Variants in PPM1B observed in about 807,000 individuals in gnomAD.
The protein encoded by PPM1B is protein phosphatase, Mg2+/Mn2+ dependent 1B.
Under a neutral mutation model 43.0 loss-of-function variants are expected in PPM1B, and 22 were observed. The ratio of observed to expected loss-of-function variants is 0.51; its 90% CI spans 0.37 to 0.73. The LOEUF is 0.73. PPM1B is among the 30% of genes least tolerant of loss of function. PPM1B has a pLI of 0.00. For synonymous variants in PPM1B, 217 were observed against 197.9 expected (o/e 1.10, Z -0.81); for missense variants, 632 against 584.2 (o/e 1.08, Z -0.84).
chr2:44,185,255 A>C (rs1668065263), intron 1 of PPM1B, among the ~76,000 whole-genome samples: 1 of 152,176 alleles, frequency 6.6e-6, no homozygotes, highest in Non-Finnish European at 1.5e-5. Context: ...AAAGCATGAC[A>C]AGTGACGTTA....
At chr2:44,177,915 C>CTTTT (rs746113686) in intron 1 of PPM1B, among the ~76,000 whole-genome samples, 4 of 106,256 alleles carry the variant, frequency 3.8e-5, no homozygotes, top group African/African-American at 6.8e-5. Context: ...TAGAACAGTT[C>CTTTT]TTTTTTTTTT....
chr2:44,219,963 C>G (rs1669897046), intron 5 of PPM1B, among the ~76,000 whole-genome samples: 1 of 151,240 alleles, frequency 6.6e-6, no homozygotes, highest in African/African-American at 2.4e-5. Context: ...AAAAAATTGA[C>G]CCAAAGCTGA....
chr2:44,170,735 T>C (rs1667296511), intron 1 of PPM1B, among the ~76,000 whole-genome samples: 1 of 152,252 alleles, frequency 6.6e-6, no homozygotes, highest in East Asian at 1.9e-4. Flanking sequence ...ATTCTAATTA[T>C]TATGATAGTC....
chr2:44,229,700 T>G (rs559274793), intron 5 of PPM1B, among the ~76,000 whole-genome samples: 2 of 152,328 alleles, frequency 1.3e-5, no homozygotes, highest in Admixed American at 1.3e-4. Flanking sequence ...ATATCTTTAT[T>G]TTAGTCTGTC....
At chr2:44,176,487 C>T (rs1018741578) in intron 1 of PPM1B, among the ~76,000 whole-genome samples, 1 of 152,158 alleles carries the variant, frequency 6.6e-6, no homozygotes, top group African/African-American at 2.4e-5. Context: ...ATATTTATCA[C>T]TGCTTCTCCT....
At chr2:44,182,293 C>T (rs1473579262) in intron 1 of PPM1B, among the ~76,000 whole-genome samples, 4 of 151,920 alleles carry the variant, frequency 2.6e-5, no homozygotes, top group Admixed American at 6.6e-5. Context: ...GAGTTTTGCT[C>T]TTGTTGCCCA....
chr2:44,178,636 T>G (rs927665351), intron 1 of PPM1B, among the ~76,000 whole-genome samples: 7 of 151,670 alleles, frequency 4.6e-5, no homozygotes, highest in Non-Finnish European at 7.4e-5. Context: ...ACCCAGCTAA[T>G]TTTTTTGTAT....
At chr2:44,232,759 T>C, downstream of PPM1B, 1 of 989,268 alleles carries the variant, frequency 1.0e-6, no homozygotes, top group South Asian at 4.7e-5. Context: ...GTATGATATG[T>C]TCCTTTTTTC....
intron 2 of PPM1B, among the ~76,000 whole-genome samples, chr2:44,203,576 C>G (rs1469470475): frequency 2.0e-5 from 3 of 152,124 alleles, no homozygotes; most frequent in Non-Finnish European, 4.4e-5. Context: ...CAGCTACTTT[C>G]ATTGTTGTGG....
chr2:44,216,928 A>T (rs963671119), intron 3 of PPM1B, among the ~76,000 whole-genome samples: 1 of 150,880 alleles, frequency 6.6e-6, no homozygotes, highest in Non-Finnish European at 1.5e-5. Context: ...GACATTCACC[A>T]TACAGAGGGG....
At chr2:44,186,338 A>G (rs1294762141) in intron 1 of PPM1B, among the ~76,000 whole-genome samples, 2 of 152,228 alleles carry the variant, frequency 1.3e-5, no homozygotes, top group Non-Finnish European at 2.9e-5. Flanking sequence ...TTTTGAAGAT[A>G]GAAGCACATT....
At chr2:44,186,909 A>AC (rs1481751555) in intron 1 of PPM1B, among the ~76,000 whole-genome samples, 2 of 152,252 alleles carry the variant, frequency 1.3e-5, no homozygotes, top group African/African-American at 4.8e-5. Context: ...ATACAACATA[A>AC]CCATCTTAAC....
chr2:44,203,498 T>TG (rs1669033543), intron 2 of PPM1B, among the ~76,000 whole-genome samples: 3 of 152,140 alleles, frequency 2.0e-5, no homozygotes, highest in Admixed American at 6.5e-5. Flanking sequence ...TACTTACTAT[T>TG]GGAAAAAAAA....
At chr2:44,173,273 TG>T (rs754810148) in intron 1 of PPM1B, among the ~76,000 whole-genome samples, 2 of 152,368 alleles carry the variant, frequency 1.3e-5, no homozygotes, top group Non-Finnish European at 2.9e-5. Flanking sequence ...TTTCCAAAAG[TG>T]TAATCTATAT....
intron 3 of PPM1B, among the ~76,000 whole-genome samples, chr2:44,213,253 G>T (rs778469224): frequency 6.7e-6 from 1 of 150,012 alleles, no homozygotes; most frequent in Non-Finnish European, 1.5e-5. Context: ...TCTTTTCTTT[G>T]TGGGAGGACT....
intron 1 of PPM1B, among the ~76,000 whole-genome samples, chr2:44,196,801 G>A (rs1355048189): frequency 2.0e-5 from 3 of 152,132 alleles, no homozygotes; most frequent in Admixed American, 2.0e-4. Context: ...ATCTGTCATA[G>A]ACCAAGAGTG....
At chr2:44,241,793 G>C (rs1363831351) in intron 5 of PPM1B, among the ~76,000 whole-genome samples, 1 of 149,382 alleles carries the variant, frequency 6.7e-6, no homozygotes, top group Non-Finnish European at 1.5e-5. Flanking sequence ...AGAAATAATA[G>C]CATATGTAAG....
At chr2:44,214,589 G>C (rs1188713076) in intron 3 of PPM1B, among the ~76,000 whole-genome samples, 1 of 152,122 alleles carries the variant, frequency 6.6e-6, no homozygotes, top group East Asian at 1.9e-4. Flanking sequence ...CTGAGTGCTT[G>C]AAGGGAGTGT....
intron 3 of PPM1B, among the ~76,000 whole-genome samples, chr2:44,211,791 C>A (rs1349986073): frequency 1.4e-5 from 2 of 144,914 alleles, no homozygotes; most frequent in African/African-American, 2.6e-5. Context: ...CTGTTGTTGC[C>A]CAGGCTGGAG....
Sources: gnomAD v4.1 joint callset for allele counts (sites outside exome capture counted in the v4.1 genomes callset) on GRCh38, gnomAD v4.1.1 for gene constraint, MANE v1.5 for transcripts, NCBI Gene and HGNC (gene_info 2026-07-23, HGNC 2026-07-21) for gene names.